The following MTRR variants were observed in gnomAD, a reference collection of about 807,000 sequenced individuals.
The protein encoded by MTRR is 5-methyltetrahydrofolate-homocysteine methyltransferase reductase.
A neutral mutation model predicts 79.2 loss-of-function variants in MTRR; 63 were observed. The observed-to-expected ratio is 0.80, with a 90% CI of 0.65 to 0.98. The LOEUF (loss-of-function observed/expected upper bound fraction) is 0.98. Ranked by LOEUF, MTRR falls within the 50% of genes least tolerant of loss-of-function variation. The probability of loss-of-function intolerance (pLI) is 0.00; values close to 1 mark genes in which losing one functional copy is unlikely to be tolerated. For synonymous variants in MTRR, 355 were observed against 313.3 expected (o/e 1.13, Z -1.41); for missense variants, 895 against 839.6 (o/e 1.07, Z -0.82).
At chr5:7,854,365 TA>T (rs1009295059) in intron 1 of MTRR, among the ~76,000 whole-genome samples, 1 of 151,390 alleles carries the variant, frequency 6.6e-6, no homozygotes, top group African/African-American at 2.4e-5. Context: ...ATATTATATA[TA>T]TTTTTTTATA....
At chr5:7,896,007 AAC>A (rs772391845) in intron 12 of MTRR, among the ~76,000 whole-genome samples, 155 bp downstream of exon 12, 12 of 152,218 alleles carry the variant, frequency 7.9e-5, no homozygotes, top group South Asian at 2.1e-4. Context: ...GGGAAAAGTA[AAC>A]ACAATGTTGT....
chr5:7,865,810 A>T, upstream of MTRR: 1 of 948,552 alleles, frequency 1.1e-6, no homozygotes, highest in Non-Finnish European at 1.6e-6. Flanking sequence ...CTGCTTTTTC[A>T]GGTTATTGAG....
chr5:7,886,458 T>C, intron 7 of MTRR, 157 bp from the exon 8 acceptor site: 1 of 646,906 alleles, frequency 1.5e-6, no homozygotes, highest in Admixed American at 2.7e-5. Flanking sequence ...TGTATTCATT[T>C]TGGGGAATTT....
At chr5:7,892,039 C>CA (rs533488541) in intron 10 of MTRR, among the ~76,000 whole-genome samples, 200 of 151,530 alleles carry the variant, frequency 1.3e-3, no homozygotes, top group Non-Finnish European at 2.1e-3. Context: ...TACCCTGTCT[C>CA]AAAAAAATAA....
upstream of MTRR, chr5:7,867,185 A>G: frequency 1.9e-6 from 3 of 1,614,202 alleles, no homozygotes; most frequent in Non-Finnish European, 2.5e-6. Flanking sequence ...CAGGGCAGTG[A>G]GCATTTGGCT....
At chr5:7,882,909 C>T (rs933761310) in intron 5 of MTRR, among the ~76,000 whole-genome samples, 1 of 152,104 alleles carries the variant, frequency 6.6e-6, no homozygotes, top group Admixed American at 6.5e-5. Context: ...ATGAACATGC[C>T]AGTATTTTTA....
chr5:7,867,935 G>T (rs1189996312), upstream of MTRR: 1 of 1,614,082 alleles, frequency 6.2e-7, no homozygotes. Flanking sequence ...GAAAGGCTCA[G>T]GTTGTCGTGA....
Position 7,900,183 on chromosome 5 carries a change from G to T in MTRR, c.*125G>T. 1 of 1,081,358 alleles carries T rather than the reference G, an allele frequency of 9.2e-7. No individual in the cohort carries two copies. The highest frequency in any genetic ancestry group is 1.3e-6 in the Non-Finnish European group (1 of 744,186). The allele number at this position is 1,081,358 out of a possible 1,614,324, so 67.0% of individuals were successfully genotyped here. Reference sequence around the variant, plus strand: ...CTTTCAACATTTCTTGAAGGACATGGAGTGGAGATTGGATCATTTAACAAT... The same window carrying T: ...CTTTCAACATTTCTTGAAGGACATGTAGTGGAGATTGGATCATTTAACAAT... On this transcript the variant is annotated 3_prime_UTR_variant, in exon 15 of 15. Transcript: ENST00000440940.
At chr5:7,852,630 G>A (rs956549425) in intron 1 of MTRR, among the ~76,000 whole-genome samples, 11 of 152,058 alleles carry the variant, frequency 7.2e-5, no homozygotes, top group African/African-American at 2.4e-4. Context: ...TCTCCTACAT[G>A]TGAAGCAAAG....
At chr5:7,883,772 A>T (rs1049771025) in intron 6 of MTRR, among the ~76,000 whole-genome samples, 2 of 152,196 alleles carry the variant, frequency 1.3e-5, no homozygotes, top group Non-Finnish European at 2.9e-5. Flanking sequence ...TGAGAGGAAG[A>T]TGCTGGCTTA....
chr5:7,882,660 A>G (rs1050768643), intron 5 of MTRR, among the ~76,000 whole-genome samples: 5 of 152,208 alleles, frequency 3.3e-5, no homozygotes, highest in South Asian at 2.1e-4. Context: ...ATTTAAATTA[A>G]TGAACATTTG....
Position 7,896,966 on chromosome 5 carries a change from A to T in MTRR, c.1769+10A>T, listed in dbSNP as rs1738630744. 6.2e-7 allele frequency: 1 copy of T among 1,613,858 alleles called. No homozygotes were observed. Among genetic ancestry groups the T allele is most frequent in the Admixed American group, 1.7e-5 (1 of 60,018 alleles). On this transcript the variant is annotated intron_variant, in intron 13 of 14. Coordinates refer to ENST00000440940, the MANE Select transcript of MTRR (RefSeq NM_002454.3). Reference sequence around the variant, plus strand: ...GGGATTATCTATTCAGGTATTGTACAATTCCAGTATTGTACTCAACCACTG... The same window carrying T: ...GGGATTATCTATTCAGGTATTGTACTATTCCAGTATTGTACTCAACCACTG...
At chr5:7,857,548 T>G (rs996033490) in intron 1 of MTRR, among the ~76,000 whole-genome samples, 6 of 152,224 alleles carry the variant, frequency 3.9e-5, no homozygotes, top group Non-Finnish European at 7.3e-5. Context: ...CCCTAGACCC[T>G]GCTCTCTTCC....
At chr5:7,868,248 A>AG, upstream of MTRR, 1 of 566,488 alleles carries the variant, frequency 1.8e-6, no homozygotes, top group Non-Finnish European at 3.0e-6. Flanking sequence ...TAAACACCAG[A>AG]GGGGCAAAGT....
At chr5:7,873,958 C>T (rs953243584) in intron 3 of MTRR, among the ~76,000 whole-genome samples, 1 of 152,158 alleles carries the variant, frequency 6.6e-6, no homozygotes, top group African/African-American at 2.4e-5. Flanking sequence ...TTTCATTTCC[C>T]AGCTACACAT....
At chr5:7,891,333 G>C in intron 9 of MTRR, 39 bp from the exon 10 acceptor site, 1 of 782,400 alleles carries the variant, frequency 1.3e-6, no homozygotes. Context: ...ATTTTCAGTA[G>C]TAGTGAATTA....
intron 1 of MTRR, chr5:7,870,510 A>G (rs1478916791): frequency 9.2e-6 from 4 of 433,398 alleles, no homozygotes; most frequent in African/African-American, 2.0e-5. Flanking sequence ...TAGGAAACAC[A>G]GATTCAAGCC....
chr5:7,888,850 A>G (rs1737054929), intron 8 of MTRR, among the ~76,000 whole-genome samples: 1 of 152,246 alleles, frequency 6.6e-6, no homozygotes, highest in South Asian at 2.1e-4. Flanking sequence ...AGGAATTTAG[A>G]CTTTGAGAAT....
At chr5:7,865,503 G>C (rs900003913), upstream of MTRR, among the ~76,000 whole-genome samples, 1 of 152,078 alleles carries the variant, frequency 6.6e-6, no homozygotes, top group Non-Finnish European at 1.5e-5. Context: ...TTTCTGGCTT[G>C]GCTTAAAAAT....
Sources: gnomAD v4.1 joint callset for allele counts (sites outside exome capture counted in the v4.1 genomes callset) on GRCh38, gnomAD v4.1.1 for gene constraint, MANE v1.5 for transcripts, NCBI Gene and HGNC (gene_info 2026-07-23, HGNC 2026-07-21) for gene names.